Variants in ST6GALNAC5 observed in about 807,000 individuals in gnomAD.
The protein encoded by ST6GALNAC5 is ST6 N-acetylgalactosaminide alpha-2,6-sialyltransferase 5.
In ST6GALNAC5, 27 loss-of-function variants were observed where a neutral mutation model predicts 33.6. The observed-to-expected ratio is 0.80, with a 90% CI of 0.59 to 1.11. ST6GALNAC5 has a LOEUF of 1.11. ST6GALNAC5 is among the 50% of genes least tolerant of loss of function. The pLI is 0.00. For synonymous variants in ST6GALNAC5, 194 were observed against 171.2 expected (o/e 1.13, Z -1.04); for missense variants, 428 against 454.0 (o/e 0.94, Z 0.52).
intron 2 of ST6GALNAC5, among the ~76,000 whole-genome samples, chr1:76,981,920 C>A (rs1829753): frequency 1.3e-5 from 2 of 152,202 alleles, no homozygotes; most frequent in African/African-American, 2.4e-5. Flanking sequence ...GCTGAGAGAC[C>A]TGACCGTTAG....
At chr1:76,967,333 T>C (rs1022870486) in intron 2 of ST6GALNAC5, among the ~76,000 whole-genome samples, 7 of 152,226 alleles carry the variant, frequency 4.6e-5, no homozygotes, top group African/African-American at 1.7e-4. Context: ...TGGGAGGGTG[T>C]ATGTGTCCAG....
At chr1:77,033,811 G>T (rs2100451040) in intron 2 of ST6GALNAC5, among the ~76,000 whole-genome samples, 1 of 152,240 alleles carries the variant, frequency 6.6e-6, no homozygotes, top group South Asian at 2.1e-4. Context: ...AGAGAGTAGG[G>T]TGGGGAGTGA....
rs34398611 is a variant in ST6GALNAC5, at chr1:77,052,917, C to CA, written c.779+2574dup. 6.1e-3 allele frequency among the ~76,000 whole-genome samples: 425 copies of CA among 69,624 alleles called. 3 individuals are homozygous for CA. Among genetic ancestry groups the CA allele is most frequent in the Non-Finnish European group, 7.0e-3 (268 of 38,394 alleles). 45.7% of individuals were successfully genotyped at this position (69,624 alleles called of 152,430 possible). ...GGGGCGACAAAGTGAGGCTCTGTCT[C>CA]AAAAAAAAAAAAAAAAAAAAAACAA... On this transcript the variant is annotated intron_variant, in intron 4 of 4. Transcript: ENST00000477717.
At position 77,065,095 on chromosome 1, in the gene ST6GALNAC5, T is replaced by C. The variant is rs1202257011; in HGVS notation, c.*1889T>C. On this transcript the variant is annotated 3_prime_UTR_variant, in exon 5 of 5. Coordinates refer to ENST00000477717, the MANE Select transcript of ST6GALNAC5 (RefSeq NM_030965.3). ...GGACTATGAATTTTATTCCAACACA[T>C]TGTCTTCCACAGCATGGACTCTGAA... 6.6e-6 allele frequency: 1 copy of C among 152,218 alleles called. No individual in the cohort carries two copies. Among genetic ancestry groups the C allele is most frequent in the Non-Finnish European group, 1.5e-5 (1 of 68,030 alleles). The allele number at this position is 152,218 out of a possible 1,614,324, so 9.4% of individuals were successfully genotyped here. A position where few individuals can be genotyped will look rare whatever the true frequency, so the allele number is the denominator to read the frequency against.
chr1:76,919,510 T>G (rs1211123830), intron 2 of ST6GALNAC5, among the ~76,000 whole-genome samples: 3 of 152,146 alleles, frequency 2.0e-5, no homozygotes, highest in Admixed American at 2.0e-4. Flanking sequence ...CTCCCTCTGT[T>G]AAAGGACAAG....
Position 76,971,300 on chromosome 1 carries a change from G to A in ST6GALNAC5, c.262-72904G>A, listed in dbSNP as rs370033211. Among the ~76,000 whole-genome samples, 24 of 152,258 alleles carry A rather than the reference G, an allele frequency of 1.6e-4. No individual in the cohort carries two copies. In the East Asian group the frequency reaches 3.3e-3, roughly 21 times the overall value. On this transcript the variant is annotated intron_variant, in intron 2 of 4. Transcript: ENST00000477717. ...CGTGGGCAATCTTAGTTTCATGGCC[G>A]TGAGGTAGGAACCAGATGCCGGATA...
At chr1:77,058,170 A>G (rs922687721) in intron 4 of ST6GALNAC5, among the ~76,000 whole-genome samples, 17 of 152,248 alleles carry the variant, frequency 1.1e-4, no homozygotes, top group African/African-American at 3.9e-4. Context: ...TACAGAGTCA[A>G]CTGGAGTCAA....
Position 76,886,817 on chromosome 1 carries a change from TCTGA to T in ST6GALNAC5, c.261+18078_261+18081del, listed in dbSNP as rs142291512. Among the ~76,000 whole-genome samples the T allele has an allele frequency of 6.5e-3, 983 of 152,362 alleles. 12 individuals carry two copies. The highest frequency in any genetic ancestry group is 0.022 in the African/African-American group (934 of 41,586). On this transcript the variant is annotated intron_variant, in intron 2 of 4. Coordinates refer to ENST00000477717, the MANE Select transcript of ST6GALNAC5 (RefSeq NM_030965.3). Reference sequence around the variant, plus strand: ...ATCATTCAATATTTGTCATCTTGTGTCTGACTAATTTTATTTAGCATAATGTTTT... The same window carrying T: ...ATCATTCAATATTTGTCATCTTGTGTCTAATTTTATTTAGCATAATGTTTT...
intron 2 of ST6GALNAC5, among the ~76,000 whole-genome samples, chr1:77,011,434 C>T (rs1650630811): frequency 6.6e-6 from 1 of 152,190 alleles, no homozygotes; most frequent in African/African-American, 2.4e-5. Flanking sequence ...TAGAGATATT[C>T]CCTGGGTATG....
rs1486076162 is a variant in ST6GALNAC5, at chr1:76,868,048, C to A, written c.15+358C>A. On this transcript the variant is annotated intron_variant, in intron 1 of 4. Transcript: ENST00000477717. This position sits in a 1 kb window ranked among gnomAD's most constrained non-coding sequence, Gnocchi z 4.3. ...ACTAAGAGGGACGGGGAGGGGGGAC[C>A]TTTGCAGACTTTCTTCGTTTTCTTA... Among the ~76,000 whole-genome samples the A allele has an allele frequency of 1.3e-5, 2 of 152,190 alleles. No homozygotes were observed. Among genetic ancestry groups the A allele is most frequent in the Non-Finnish European group, 2.9e-5 (2 of 68,032 alleles).
intron 2 of ST6GALNAC5, among the ~76,000 whole-genome samples, chr1:76,964,220 A>G (rs1464756779): frequency 6.6e-6 from 1 of 152,180 alleles, no homozygotes; most frequent in Non-Finnish European, 1.5e-5. Context: ...AAAAAAATAA[A>G]GTCTCTTAAT....
rs1652692522 is a variant in ST6GALNAC5 at position 77,064,031 on chromosome 1, T to C, written c.*825T>C. ...CAAAATTGAAAACCAAAAACTATGT[T>C]ATTAAAACAAAAAAATGCTAACAAG... On this transcript the variant is annotated 3_prime_UTR_variant, in exon 5 of 5. Transcript: ENST00000477717. 1 of 152,414 alleles carries C rather than the reference T, an allele frequency of 6.6e-6. No homozygotes were observed. Among genetic ancestry groups the C allele is most frequent in the African/African-American group, 2.4e-5 (1 of 41,444 alleles). 9.4% of individuals were successfully genotyped at this position (152,414 alleles called of 1,614,324 possible). A position where few individuals can be genotyped will look rare whatever the true frequency, so the allele number is the denominator to read the frequency against.
intron 2 of ST6GALNAC5, among the ~76,000 whole-genome samples, chr1:76,896,707 A>G (rs899193282): frequency 1.1e-4 from 16 of 152,200 alleles, no homozygotes; most frequent in Non-Finnish European, 2.1e-4. Context: ...TTAAAGAGTG[A>G]GTACAGCTGA....
intron 2 of ST6GALNAC5, among the ~76,000 whole-genome samples, chr1:76,953,764 A>G (rs1647844448): frequency 6.6e-6 from 1 of 151,930 alleles, no homozygotes; most frequent in African/African-American, 2.4e-5. Context: ...ATTTTTAAAT[A>G]AAAAGTTTTA....
chr1:76,994,527 CA>C (rs1439602274), intron 2 of ST6GALNAC5, among the ~76,000 whole-genome samples: 1 of 152,154 alleles, frequency 6.6e-6, no homozygotes, highest in African/African-American at 2.4e-5. Flanking sequence ...TCTGAAGTTT[CA>C]TTTTAATGAA....
intron 2 of ST6GALNAC5, among the ~76,000 whole-genome samples, chr1:76,915,614 G>A (rs1456293767): frequency 6.7e-6 from 1 of 149,418 alleles, no homozygotes; most frequent in Non-Finnish European, 1.5e-5. Context: ...AACACCGCAT[G>A]TTCTCACTCA....
In ST6GALNAC5 at chr1:76,868,844, C is replaced by G. The variant is rs1433517467; in HGVS notation, c.261+102C>G. ...GCTGGGAGGCGCTGTGAGTAGGTGC[C>G]GTTCGAAGGCTGGAGGGGAGTGGAC... On this transcript the variant is annotated intron_variant, in intron 2 of 4. Transcript: ENST00000477717. This position sits in a 1 kb window ranked among gnomAD's most constrained non-coding sequence, Gnocchi z 4.3. 3.5e-6 allele frequency: 5 copies of G among 1,419,082 alleles called. No individual in the cohort carries two copies. Among genetic ancestry groups the G allele is most frequent in the Admixed American group, 3.0e-5 (1 of 32,854 alleles). The allele number at this position is 1,419,082 out of a possible 1,614,324, so 87.9% of individuals were successfully genotyped here.
At chr1:76,934,396 G>A (rs547645832) in intron 2 of ST6GALNAC5, among the ~76,000 whole-genome samples, 3 of 152,062 alleles carry the variant, frequency 2.0e-5, no homozygotes, top group Non-Finnish European at 4.4e-5. Flanking sequence ...GTCTAACTGT[G>A]ACAGCTCTCT....
rs541376448 is a variant in ST6GALNAC5, at chr1:76,880,275, G to A, written c.261+11533G>A. On this transcript the variant is annotated intron_variant, in intron 2 of 4. Transcript: ENST00000477717. ...ACAGTTTATGCCAAGGACTATCAGT[G>A]TTTTCCATAGTATTAGAACTAGAGT... 9.2e-5 allele frequency among the ~76,000 whole-genome samples: 14 copies of A among 152,222 alleles called. No individual in the cohort carries two copies. The South Asian group carries it at 2.9e-3, about 32-fold the overall frequency.
Sources: allele counts gnomAD v4.1 joint callset (sites outside exome capture counted in the v4.1 genomes callset), GRCh38; gene constraint gnomAD v4.1.1; non-coding constraint Gnocchi (gnomAD v3.1); transcripts MANE v1.5; gene names NCBI Gene and HGNC (gene_info 2026-07-23, HGNC 2026-07-21).